ZNF653: variants seen among roughly 807,000 people sequenced by gnomAD.
The protein encoded by ZNF653 is 67 kDa zinc finger protein.
ZNF653 carries 37 observed loss-of-function variants against 59.9 expected under a neutral mutation model. The observed-to-expected ratio is 0.62, with a 90% CI of 0.48 to 0.81. The LOEUF (loss-of-function observed/expected upper bound fraction) is 0.81. Ranked by LOEUF, ZNF653 falls within the 40% of genes least tolerant of loss-of-function variation. The pLI, the probability that ZNF653 is intolerant of heterozygous loss-of-function variation, is 0.00. For missense variants in ZNF653, 808 were observed against 881.1 expected (o/e 0.92, Z 1.05); for synonymous variants, 435 against 371.8 (o/e 1.17, Z -1.96).
chr19:11,494,568 T>G (rs1301389123), intron 3 of ZNF653, among the ~76,000 whole-genome samples: 1 of 152,056 alleles, frequency 6.6e-6, no homozygotes, highest in Non-Finnish European at 1.5e-5. Context: ...CAGATGCCTG[T>G]AATCCCAGCT....
intron 3 of ZNF653, among the ~76,000 whole-genome samples, chr19:11,490,211 T>C (rs1013943460): frequency 7.2e-5 from 11 of 152,108 alleles, no homozygotes; most frequent in African/African-American, 2.2e-4. Context: ...AATTACAGCT[T>C]TATTACAAAG....
At chr19:11,485,607 C>T (rs751562588) in intron 7 of ZNF653, 49 bp downstream of exon 7, 8 of 1,502,456 alleles carry the variant, frequency 5.3e-6, no homozygotes, top group Non-Finnish European at 7.4e-6. Context: ...CTCCCAGGCC[C>T]ATGTCCCTGT....
intron 6 of ZNF653, among the ~76,000 whole-genome samples, chr19:11,486,407 C>G (rs1971466101): frequency 6.6e-6 from 1 of 152,204 alleles, no homozygotes; most frequent in Non-Finnish European, 1.5e-5. Flanking sequence ...TCACAGGTGG[C>G]CAGTGGCAGG....
chr19:11,489,461 A>G (rs78421569), intron 3 of ZNF653, among the ~76,000 whole-genome samples: 15,197 of 152,172 alleles, frequency 0.1, 1,284 homozygotes, highest in African/African-American at 0.22. Flanking sequence ...GGCCTCCCAA[A>G]GTGCTGGAAT....
In ZNF653 at chr19:11,495,852, C is replaced by T; in HGVS notation, c.559+98G>A. On this transcript the variant is annotated intron_variant, in intron 3 of 8. Coordinates refer to ENST00000293771, the MANE Select transcript of ZNF653 (RefSeq NM_138783.4). The surrounding 1 kb of genome is among the most constrained non-coding windows in gnomAD (Gnocchi z 4.9). ...CCAGTGCCAGAGCCAGAGCCAGAGCCACTGTGGCTGCTATTCTGTTTGTGA... is the reference window on the plus strand; with the variant it reads ...CCAGTGCCAGAGCCAGAGCCAGAGCTACTGTGGCTGCTATTCTGTTTGTGA... 5 of 1,272,766 alleles carry T rather than the reference C, an allele frequency of 3.9e-6. No individual in the cohort carries two copies. Among genetic ancestry groups the T allele is most frequent in the Non-Finnish European group, 5.4e-6 (5 of 918,330 alleles). The allele number at this position is 1,272,766 out of a possible 1,614,324, so 78.8% of individuals were successfully genotyped here.
chr19:11,487,460 T>C lies in ZNF653; in HGVS notation c.1003A>G (p.Ile335Val), dbSNP rs759741613. 2 of 1,613,148 alleles carry C rather than the reference T, an allele frequency of 1.2e-6. No homozygotes were observed. The highest frequency in any genetic ancestry group is 8.5e-7 in the Non-Finnish European group (1 of 1,179,974). The change falls in exon 4 of 9, where the codon ATT (isoleucine) becomes GTT (valine). Residue 335 changes from isoleucine (I) to valine (V), a missense_variant. Physicochemically the swap from Ile to Val is conservative, Grantham distance 29. Coordinates refer to ENST00000293771, the MANE Select transcript of ZNF653 (RefSeq NM_138783.4). This position sits in a 1 kb window ranked among gnomAD's most constrained non-coding sequence, Gnocchi z 5.1. ...PGYDALTAEG[I>V]HLNMAAGSGV... The stretch of plus-strand genomic sequence containing the variant: ...CTGCCTGCTGCCATGTTGAGGTGAA[T>C]GCCCTCGGCCGTGAGAGCGTCGTAA...
rs546949899 is a variant in ZNF653, at chr19:11,496,238, C to T, written c.344-73G>A. On this transcript the variant is annotated intron_variant, in intron 2 of 8. Transcript: ENST00000293771. ...CATGGTGACATGGCTGCCTGAACCA[C>T]CGGGGCTTTATGGGTCCCATGGGTT... is the stretch of plus-strand genomic sequence containing the variant. 6.9e-5 allele frequency: 103 copies of T among 1,488,630 alleles called. No homozygotes were observed. In the South Asian group the frequency reaches 1.2e-3, roughly 18 times the overall value. 92.2% of individuals were successfully genotyped at this position (1,488,630 alleles called of 1,614,324 possible).
In ZNF653 at chr19:11,496,166, C is replaced by G. The variant is rs753344474; in HGVS notation, c.344-1G>C. Reference sequence around the variant, plus strand: ...AGGCAGTTCACGTTGCGTCGCCGCCCTATGGACACAGGGCCGAGGAGTGGG... The same window carrying G: ...AGGCAGTTCACGTTGCGTCGCCGCCGTATGGACACAGGGCCGAGGAGTGGG... On this transcript the variant is annotated splice_acceptor_variant, in intron 2 of 8. Coordinates refer to ENST00000293771, the MANE Select transcript of ZNF653 (RefSeq NM_138783.4). LOFTEE classifies it high-confidence loss of function. The G allele has an allele frequency of 6.2e-7, 1 of 1,613,354 alleles. No individual in the cohort carries two copies. Among genetic ancestry groups the G allele is most frequent in the African/African-American group, 1.3e-5 (1 of 75,038 alleles).
Position 11,487,092 on chromosome 19 carries a change from G to C in ZNF653, c.1238C>G (p.Thr413Arg). 1 of 1,613,932 alleles carries C rather than the reference G, an allele frequency of 6.2e-7. No homozygotes were observed. The highest frequency in any genetic ancestry group is 8.5e-7 in the Non-Finnish European group (1 of 1,180,002). ...AGGCTCTGCGCTCTCAGGCACCGTT[G>C]TTGCCAGCTCCGGGGCTACTGGCTC... ...KEEPVAPELA[T>R]TVPESAEPEA... is the part of the protein sequence containing the mutation. The change falls in exon 5 of 9, where the codon ACA (threonine) becomes AGA (arginine). Residue 413 changes from threonine to arginine, a missense_variant. Transcript: ENST00000293771. This position sits in a 1 kb window ranked among gnomAD's most constrained non-coding sequence, Gnocchi z 5.1.
chr19:11,491,251 C>T (rs1971526758), intron 3 of ZNF653, among the ~76,000 whole-genome samples: 1 of 152,276 alleles, frequency 6.6e-6, no homozygotes, highest in South Asian at 2.1e-4. Context: ...TAGGTGTGGC[C>T]ATGTGGCTGA....
intron 7 of ZNF653, among the ~76,000 whole-genome samples, chr19:11,484,739 T>C (rs576355905): frequency 6.6e-6 from 1 of 151,512 alleles, no homozygotes; most frequent in Non-Finnish European, 1.5e-5. Flanking sequence ...TTTCGCAAAA[T>C]GAAAACAAAA....
Position 11,495,876 on chromosome 19 carries a change from G to A in ZNF653, c.559+74C>T, listed in dbSNP as rs1208523319. The A allele has an allele frequency of 1.2e-5, 17 of 1,448,232 alleles. No homozygotes were observed. The East Asian group carries it at 3.4e-4, about 29-fold the overall frequency. The allele number at this position is 1,448,232 out of a possible 1,614,324, so 89.7% of individuals were successfully genotyped here. ...CCACTGTGGCTGCTATTCTGTTTGTGATGCTAGCCTAGGGCTCGTAAGAAG... is the reference window on the plus strand; with the variant it reads ...CCACTGTGGCTGCTATTCTGTTTGTAATGCTAGCCTAGGGCTCGTAAGAAG... On this transcript the variant is annotated intron_variant, in intron 3 of 8. Transcript: ENST00000293771. This position sits in a 1 kb window ranked among gnomAD's most constrained non-coding sequence, Gnocchi z 4.9.
intron 5 of ZNF653, 34 bp from the exon 6 acceptor site, chr19:11,486,914 C>T (rs773937101): frequency 1.5e-5 from 24 of 1,610,720 alleles, no homozygotes; most frequent in African/African-American, 9.4e-5. Flanking sequence ...TCGGGGCTCC[C>T]GCACCAGGCA....
chr19:11,494,940 T>C (rs1971569386), intron 3 of ZNF653, among the ~76,000 whole-genome samples: 1 of 152,086 alleles, frequency 6.6e-6, no homozygotes, highest in East Asian at 1.9e-4. Context: ...GAGGGCGGAA[T>C]GCAGATCATG....
rs201281947 is a variant in ZNF653 at position 11,487,185 on chromosome 19, C to T, written c.1172-27G>A. On this transcript the variant is annotated intron_variant, in intron 4 of 8. Coordinates refer to ENST00000293771, the MANE Select transcript of ZNF653 (RefSeq NM_138783.4). This position sits in a 1 kb window ranked among gnomAD's most constrained non-coding sequence, Gnocchi z 5.1. ...TACAGGGTGGACACAGGGTGGTGTCCGCAGGGGACGAAGGCTGCCGAGGTG... is the reference window on the plus strand; with the variant it reads ...TACAGGGTGGACACAGGGTGGTGTCTGCAGGGGACGAAGGCTGCCGAGGTG... 15 of 1,607,840 alleles carry T rather than the reference C, an allele frequency of 9.3e-6. No homozygotes were observed. Among genetic ancestry groups the T allele is most frequent in the African/African-American group, 2.7e-5 (2 of 74,990 alleles).
rs559954765 is a variant in ZNF653, at chr19:11,487,602, C to T, written c.861G>A (p.Ala287=). Residue 287 remains alanine (A), a synonymous_variant, in exon 4 of 9, where the codon GCG becomes GCA. Transcript: ENST00000293771. This position sits in a 1 kb window ranked among gnomAD's most constrained non-coding sequence, Gnocchi z 5.1. ...VCVPVPVQVG[A]GPSALFENVP... The stretch of plus-strand genomic sequence containing the variant: ...CGTTCTCAAAGAGGGCGCTGGGGCC[C>T]GCACCCACTTGCACAGGCACCGGCA... 33 of 1,613,860 alleles carry T rather than the reference C, an allele frequency of 2.0e-5. No homozygotes were observed. The highest frequency in any genetic ancestry group is 2.3e-5 in the Non-Finnish European group (27 of 1,179,974).
rs753343876 is a variant in ZNF653, at chr19:11,483,592, G to A, written c.*90C>T. On this transcript the variant is annotated 3_prime_UTR_variant, in exon 9 of 9. Transcript: ENST00000293771. ...GGCGCCTCCTTCCGGCCCGCGGTCC[G>A]GGCGGCCCTCGCAGCTGTCCAGGCC... The A allele has an allele frequency of 7.1e-5, 106 of 1,490,058 alleles. No individual in the cohort carries two copies. The highest frequency in any genetic ancestry group is 8.9e-5 in the Admixed American group (4 of 44,940). The allele number at this position is 1,490,058 out of a possible 1,614,324, so 92.3% of individuals were successfully genotyped here.
intron 3 of ZNF653, among the ~76,000 whole-genome samples, chr19:11,491,787 C>T (rs1285438081): frequency 1.3e-5 from 2 of 152,036 alleles, no homozygotes; most frequent in African/African-American, 2.4e-5. Flanking sequence ...CCGTGTTAGC[C>T]AGGATGGTCT....
At chr19:11,500,909 C>T (rs1269237864) in intron 1 of ZNF653, 1 of 152,486 alleles carries the variant, frequency 6.6e-6, no homozygotes. Flanking sequence ...CACTTTCCAA[C>T]CCCCACACAG....
Sources: allele counts gnomAD v4.1 joint callset (sites outside exome capture counted in the v4.1 genomes callset), GRCh38; gene constraint gnomAD v4.1.1; non-coding constraint Gnocchi (gnomAD v3.1); transcripts MANE v1.5; gene names NCBI Gene and HGNC (gene_info 2026-07-23, HGNC 2026-07-21).